ZNF717: variants seen among roughly 807,000 people sequenced by gnomAD.
ZNF717 encodes the protein krueppel-like factor X17.
A neutral mutation model predicts 13.8 loss-of-function variants in ZNF717; 9 were observed. That is an observed-to-expected ratio of 0.65 (90% CI 0.39 to 1.14). ZNF717 has a LOEUF of 1.14. Among genes scored for constraint, ZNF717 ranks in the 50% most tolerant of loss-of-function variants. ZNF717 has a pLI of 0.01. For synonymous variants in ZNF717, 327 were observed against 364.1 expected (o/e 0.90, Z 1.16); for missense variants, 1,040 against 1,080.7 (o/e 0.96, Z 0.53).
Position 75,737,480 on chromosome 3 carries a change from T to G in ZNF717, c.2143A>C (p.Arg715=), listed in dbSNP as rs779939991. 6.4e-7 allele frequency: 1 copy of G among 1,554,790 alleles called. No individual in the cohort carries two copies. Among genetic ancestry groups the G allele is most frequent in the Non-Finnish European group, 8.7e-7 (1 of 1,148,824 alleles). ...VMNVENPFIR[R]QIFRSIKVFT... The stretch of plus-strand genomic sequence containing the variant: ...ACCTTGATGCTTCTGAAGATTTGCC[T>G]TCTGATGAAAGGATTTTCCACATTC... Residue 715 remains arginine (R), a synonymous_variant, in exon 5 of 5, where the codon AGG becomes CGG. Transcript: ENST00000652011.
downstream of ZNF717, among the ~76,000 whole-genome samples, chr3:75,728,463 T>C (rs1201890355): frequency 1.3e-5 from 2 of 152,210 alleles, no homozygotes; most frequent in Non-Finnish European, 1.5e-5. Flanking sequence ...GGGAAAACAT[T>C]CATTGATACG....
intron 6 of ZNF717, among the ~76,000 whole-genome samples, chr3:75,696,606 G>A (rs1937605483): frequency 6.6e-6 from 1 of 151,608 alleles, no homozygotes; most frequent in African/African-American, 2.4e-5. Context: ...TAAACAGAAT[G>A]AAGGGACCAG....
Position 75,746,487 on chromosome 3 carries a change from C to A in ZNF717, c.58-4751G>T, listed in dbSNP as rs180865962. On this transcript the variant is annotated intron_variant, in intron 2 of 4. Transcript: ENST00000652011. ...CTTCCACAATGGTTGAACTACTTTA[C>A]AATCCCACTAACAGTGTAAAAGTGT... Among the ~76,000 whole-genome samples the A allele has an allele frequency of 1.8e-3, 271 of 152,294 alleles. 2 individuals carry two copies. The highest frequency in any genetic ancestry group is 6.1e-3 in the African/African-American group (252 of 41,566).
At chr3:75,742,050 G>A (rs11128478) in intron 2 of ZNF717, among the ~76,000 whole-genome samples, 62,537 of 127,708 alleles carry the variant, frequency 0.49, 13,011 homozygotes, top group Non-Finnish European at 0.55. Flanking sequence ...TGCTTCCACT[G>A]TAATAACTTA....
chr3:75,766,937 C>G (rs62268115), intron 2 of ZNF717, among the ~76,000 whole-genome samples: 1 of 152,266 alleles, frequency 6.6e-6, no homozygotes, highest in Non-Finnish European at 1.5e-5. Context: ...TTGGAACAAA[C>G]TTGTTATAAA....
rs574235061 is a variant in ZNF717, at chr3:75,778,006, C to T, written c.57+5300G>A. On this transcript the variant is annotated intron_variant, in intron 2 of 4. Coordinates refer to ENST00000652011, the MANE Select transcript of ZNF717 (RefSeq NM_001290208.3). ...AAAAATGGGAGTGACTTGCTAAAAC[C>T]GGAAACCAAAAACAATGGGAGTGAT... Among the ~76,000 whole-genome samples, 20 of 147,904 alleles carry T rather than the reference C, an allele frequency of 1.4e-4. No homozygotes were observed. In the East Asian group the frequency reaches 2.0e-3, roughly 15 times the overall value.
intron 2 of ZNF717, among the ~76,000 whole-genome samples, chr3:75,776,987 C>A (rs1217670280): frequency 6.6e-6 from 1 of 152,178 alleles, no homozygotes. Context: ...TTTACAGGGA[C>A]CCTGAGTAAG....
chr3:75,742,730 A>G (rs1160332036), intron 2 of ZNF717, among the ~76,000 whole-genome samples: 3 of 152,320 alleles, frequency 2.0e-5, no homozygotes, highest in Non-Finnish European at 4.4e-5. Context: ...TAAATATTTG[A>G]CCCAATTTCA....
chr3:75,725,352 A>T (rs1938258509), downstream of ZNF717, among the ~76,000 whole-genome samples: 1 of 152,218 alleles, frequency 6.6e-6, no homozygotes, highest in Admixed American at 6.5e-5. Context: ...GAAGACTTCT[A>T]ATGATTCAGC....
At chr3:75,730,387 C>A in exon 6 of ZNF717, 1 of 422,438 alleles carries the variant, frequency 2.4e-6, no homozygotes, top group Non-Finnish European at 4.2e-6. Context: ...GATTTGATGT[C>A]AATTTGCTGT....
chr3:75,744,092 A>C (rs1423939897), intron 2 of ZNF717, among the ~76,000 whole-genome samples: 1,121 of 151,580 alleles, frequency 7.4e-3, no homozygotes, highest in African/African-American at 0.026. Context: ...TAACATTTAC[A>C]CAGGAAGAGA....
At chr3:75,769,447 C>T (rs1395635279) in intron 2 of ZNF717, among the ~76,000 whole-genome samples, 2 of 152,192 alleles carry the variant, frequency 1.3e-5, no homozygotes, top group African/African-American at 4.8e-5. Flanking sequence ...ACCCACACCA[C>T]CCTGTCCAGT....
intron 6 of ZNF717, among the ~76,000 whole-genome samples, chr3:75,700,251 G>A (rs74470970): frequency 3.9e-5 from 6 of 152,256 alleles, no homozygotes; most frequent in South Asian, 2.1e-4. Context: ...AAAATTAGCC[G>A]GGTGTGGTGG....
chr3:75,713,050 T>A (rs74500333), intron 5 of ZNF717, among the ~76,000 whole-genome samples: 1 of 151,988 alleles, frequency 6.6e-6, no homozygotes, highest in African/African-American at 2.4e-5. Context: ...AGTTCGAGGT[T>A]GCAGTGAGCT....
chr3:75,738,450 C>T lies in ZNF717; in HGVS notation c.1173G>A (p.Gly391=), dbSNP rs1210392536. Residue 391 remains glycine, a synonymous_variant, in exon 5 of 5, where the codon GGG becomes GGA. Transcript: ENST00000652011. The part of the protein sequence containing the change: ...LLTLHHRTHS[G]EKPYQCSECG... Reference sequence around the variant, plus strand: ...ATTCACTACACTGATAGGGCTTTTCCCCTGAGTGAGTTCTGTGATGTAAAG... The same window carrying T: ...ATTCACTACACTGATAGGGCTTTTCTCCTGAGTGAGTTCTGTGATGTAAAG... 2 of 1,531,706 alleles carry T rather than the reference C, an allele frequency of 1.3e-6. No individual in the cohort carries two copies. Among genetic ancestry groups the T allele is most frequent in the East Asian group, 5.0e-5 (2 of 40,058 alleles). 94.9% of individuals were successfully genotyped at this position (1,531,706 alleles called of 1,614,324 possible). A position where few individuals can be genotyped will look rare whatever the true frequency, so the allele number is the denominator to read the frequency against.
intron 2 of ZNF717, among the ~76,000 whole-genome samples, chr3:75,752,912 C>G (rs1027882889): frequency 2.7e-5 from 4 of 148,732 alleles, no homozygotes; most frequent in Non-Finnish European, 6.0e-5. Context: ...ATCTCTCCTG[C>G]TGTGGTCTGA....
chr3:75,775,880 G>C (rs1264520006), intron 2 of ZNF717, among the ~76,000 whole-genome samples: 1 of 150,292 alleles, frequency 6.7e-6, no homozygotes. Flanking sequence ...ATTCCCAAAA[G>C]TTTAATAAAA....
At chr3:75,760,843 A>G (rs539556283) in intron 2 of ZNF717, among the ~76,000 whole-genome samples, 7 of 150,570 alleles carry the variant, frequency 4.6e-5, no homozygotes, top group African/African-American at 1.7e-4. Context: ...AAAAGAAAGG[A>G]AAAAAAAACA....
intron 2 of ZNF717, among the ~76,000 whole-genome samples, chr3:75,771,835 C>A (rs1466145852): frequency 2.6e-5 from 4 of 152,254 alleles, no homozygotes; most frequent in Admixed American, 6.5e-5. Context: ...AGCAAGCCCC[C>A]CTGCCCCTGC....
Sources: gnomAD v4.1 joint callset for allele counts (sites outside exome capture counted in the v4.1 genomes callset) on GRCh38, gnomAD v4.1.1 for gene constraint, MANE v1.5 for transcripts, NCBI Gene and HGNC (gene_info 2026-07-23, HGNC 2026-07-21) for gene names.